The following EFHC2 variants were observed in gnomAD, a reference collection of about 807,000 sequenced individuals.
EFHC2 encodes the protein EF-hand domain-containing family member C2.
In EFHC2, 18 loss-of-function variants were observed where a neutral mutation model predicts 52.7. The ratio of observed to expected loss-of-function variants is 0.34; its 90% CI spans 0.24 to 0.51. The LOEUF is 0.51. Among genes scored for constraint, EFHC2 ranks in the 20% least tolerant of loss-of-function variants. EFHC2 has a pLI of 0.97. For missense variants in EFHC2, 513 were observed against 562.5 expected (o/e 0.91, Z 0.89); for synonymous variants, 203 against 204.1 (o/e 0.99, Z 0.04).
chrX:44,280,562 T>C (rs1242211895), intron 2 of EFHC2, among the ~76,000 whole-genome samples: 2 of 112,036 alleles, frequency 1.8e-5, no homozygotes, highest in African/African-American at 3.2e-5. Flanking sequence ...GTAAAAATAT[T>C]AGCAAGAAAG....
intron 11 of EFHC2, among the ~76,000 whole-genome samples, chrX:44,203,709 C>T (rs1317995713): frequency 9.0e-6 from 1 of 111,268 alleles, no homozygotes; most frequent in Non-Finnish European, 1.9e-5. Flanking sequence ...ACCTCAGCCT[C>T]CCCAGTATCT....
At chrX:44,179,345 A>G (rs902950225) in intron 11 of EFHC2, among the ~76,000 whole-genome samples, 3 of 112,229 alleles carry the variant, frequency 2.7e-5, no homozygotes, top group African/African-American at 9.7e-5. Context: ...TTACAGGAAT[A>G]AGCTTCCACT....
chrX:44,304,478 G>A (rs1473140318), intron 2 of EFHC2, among the ~76,000 whole-genome samples: 1 of 111,596 alleles, frequency 9.0e-6, no homozygotes, highest in African/African-American at 3.3e-5. Context: ...CCTTGAGAAT[G>A]ATTCTTCATT....
At chrX:44,171,538 G>T in intron 13 of EFHC2, among the ~76,000 whole-genome samples, 1 of 111,443 alleles carries the variant, frequency 9.0e-6, no homozygotes, top group Middle Eastern at 4.6e-3. Context: ...CCTGGTAAAA[G>T]TCGTCAAGGC....
At chrX:44,150,340 A>G (rs2036560529) in intron 14 of EFHC2, among the ~76,000 whole-genome samples, 1 of 111,646 alleles carries the variant, frequency 9.0e-6, no homozygotes, top group Non-Finnish European at 1.9e-5. Context: ...AGGCATAGGG[A>G]CCAGCGTAAG....
At chrX:44,341,968 T>C (rs752739314) in intron 1 of EFHC2, among the ~76,000 whole-genome samples, 1 of 112,711 alleles carries the variant, frequency 8.9e-6, no homozygotes, top group East Asian at 2.8e-4. Context: ...GCACTGGTAA[T>C]CAGAGTGTTG....
Position 44,212,821 on chromosome X carries a change from C to G in EFHC2, c.1751+16828G>C, listed in dbSNP as rs900773533. On this transcript the variant is annotated intron_variant, in intron 11 of 14. Transcript: ENST00000420999. ...CTGCCTCCTGGGTTCCAGTGATTCTCCCGCCTCAGCCTCCGGAGTAGCTGG... is the reference window on the plus strand; with the variant it reads ...CTGCCTCCTGGGTTCCAGTGATTCTGCCGCCTCAGCCTCCGGAGTAGCTGG... Among the ~76,000 whole-genome samples the G allele has an allele frequency of 6.3e-5, 7 of 110,938 alleles. No homozygotes were observed. In the East Asian group the frequency reaches 2.0e-3, roughly 32 times the overall value.
chrX:44,163,314 A>G (rs1290303777), intron 14 of EFHC2, among the ~76,000 whole-genome samples: 1 of 111,789 alleles, frequency 8.9e-6, no homozygotes, highest in Non-Finnish European at 1.9e-5. Flanking sequence ...CAAACAAACC[A>G]CCACCCACCC....
chrX:44,213,082 C>CAAAA (rs57451313), intron 11 of EFHC2, among the ~76,000 whole-genome samples: 1 of 59,317 alleles, frequency 1.7e-5, no homozygotes. Context: ...TGCTAAAAGG[C>CAAAA]AAAAAAAAAA....
intron 1 of EFHC2, among the ~76,000 whole-genome samples, chrX:44,332,101 G>A (rs1423072336): frequency 9.1e-6 from 1 of 110,027 alleles, no homozygotes; most frequent in Non-Finnish European, 1.9e-5. Flanking sequence ...TTAGTCACTA[G>A]GAGAGGCTCT....
rs1052339598 is a variant in EFHC2, at chrX:44,263,309, G to C, written c.383-2011C>G. On this transcript the variant is annotated intron_variant, in intron 3 of 14. Transcript: ENST00000420999. ...AAATGGTGCCTTTTCTCAAAGTCTA[G>C]AGACACTTAGAAATTAGTCATTGCT... Among the ~76,000 whole-genome samples the C allele has an allele frequency of 2.7e-5, 3 of 112,043 alleles. No homozygotes were observed. In the East Asian group the frequency reaches 8.4e-4, roughly 31 times the overall value.
At chrX:44,317,413 T>C (rs376330256) in intron 1 of EFHC2, among the ~76,000 whole-genome samples, 16 of 112,703 alleles carry the variant, frequency 1.4e-4, no homozygotes, top group African/African-American at 4.8e-4. Flanking sequence ...CCCTCATTTC[T>C]CCAAAGAAGA....
chrX:44,226,157 C>T (rs1439268721), intron 11 of EFHC2, among the ~76,000 whole-genome samples: 3 of 111,700 alleles, frequency 2.7e-5, no homozygotes, highest in Middle Eastern at 4.2e-3. Flanking sequence ...ATGTGACACA[C>T]TGATGCAGGG....
In EFHC2 at chrX:44,272,835, A is replaced by G. The variant is rs768599175; in HGVS notation, c.233T>C (p.Val78Ala). The G allele has an allele frequency of 8.7e-7, 1 of 1,149,433 alleles. No individual in the cohort carries two copies. Among genetic ancestry groups the G allele is most frequent in the South Asian group, 2.0e-5 (1 of 49,465 alleles). 94.7% of individuals were successfully genotyped at this position (1,149,433 alleles called of 1,213,427 possible). A position where few individuals can be genotyped will look rare whatever the true frequency, so the allele number is the denominator to read the frequency against. ...VPSWVAFDKQVLSFDAYLEEE... is the reference protein window; with the variant it reads ...VPSWVAFDKQALSFDAYLEEE... ...TTCCAAATAGGCATCAAAAGATAATACCTGTTGGAATAATAATTAGAAACT... is the reference window on the plus strand; with the variant it reads ...TTCCAAATAGGCATCAAAAGATAATGCCTGTTGGAATAATAATTAGAAACT... The change falls in exon 3 of 15, where the codon GTA (valine) becomes GCA (alanine). Residue 78 changes from valine (V) to alanine (A), a missense_variant and splice_region_variant. Transcript: ENST00000420999.
chrX:44,227,148 A>G (rs2037239470), intron 11 of EFHC2, among the ~76,000 whole-genome samples: 1 of 111,277 alleles, frequency 9.0e-6, no homozygotes, highest in African/African-American at 3.3e-5. Flanking sequence ...CTGCCCTCAA[A>G]GAGGTTATAT....
intron 1 of EFHC2, among the ~76,000 whole-genome samples, chrX:44,320,857 C>T (rs1225709064): frequency 9.1e-6 from 1 of 110,385 alleles, no homozygotes; most frequent in Non-Finnish European, 1.9e-5. Flanking sequence ...CCTTACCTTG[C>T]AGGACACCAC....
At chrX:44,248,973 T>C (rs1435388091) in intron 5 of EFHC2, 57 bp from the exon 6 acceptor site, 1 of 863,179 alleles carries the variant, frequency 1.2e-6, no homozygotes, top group African/African-American at 2.0e-5. Context: ...CCTTTCTTAC[T>C]ATAACCCCAG....
At chrX:44,258,374 C>T (rs2037509510) in intron 4 of EFHC2, among the ~76,000 whole-genome samples, 1 of 106,235 alleles carries the variant, frequency 9.4e-6, no homozygotes, top group Non-Finnish European at 1.9e-5. Context: ...AAAATTTTTG[C>T]AATCTATCCA....
intron 11 of EFHC2, among the ~76,000 whole-genome samples, chrX:44,192,450 A>C (rs2036929000): frequency 9.0e-6 from 1 of 111,650 alleles, no homozygotes; most frequent in African/African-American, 3.3e-5. Context: ...GATTCTTATA[A>C]GAGTCTTCTA....
Sources: gnomAD v4.1 joint callset for allele counts (sites outside exome capture counted in the v4.1 genomes callset) on GRCh38, gnomAD v4.1.1 for gene constraint, MANE v1.5 for transcripts, NCBI Gene and HGNC (gene_info 2026-07-23, HGNC 2026-07-21) for gene names.